SH3D19: variants seen among roughly 807,000 people sequenced by gnomAD.
SH3D19 encodes the protein SH3 domain containing 19.
SH3D19 carries 58 observed loss-of-function variants against 112.1 expected under a neutral mutation model. The ratio of observed to expected loss-of-function variants is 0.52; its 90% CI spans 0.42 to 0.64. The LOEUF is 0.64. Among genes scored for constraint, SH3D19 ranks in the 30% least tolerant of loss-of-function variants. The pLI is 0.00. For synonymous variants in SH3D19, 391 were observed against 448.5 expected, an observed-to-expected ratio of 0.87 and a Z score of 1.62; for missense variants, 1,090 against 1,263.4, an observed-to-expected ratio of 0.86 and a Z score of 2.08.
At chr4:151,128,149 C>T in intron 18 of SH3D19, 21 bp downstream of exon 18, 1 of 1,569,974 alleles carries the variant, frequency 6.4e-7, no homozygotes, top group Non-Finnish European at 8.6e-7. Flanking sequence ...GAGTCGCATT[C>T]ATGTCTTGCG....
chr4:151,269,877 C>A (rs1773111052), intron 1 of SH3D19, among the ~76,000 whole-genome samples: 1 of 151,886 alleles, frequency 6.6e-6, no homozygotes, highest in Admixed American at 6.6e-5. Flanking sequence ...CACAAGCACA[C>A]ACATTAGCCT....
At chr4:151,229,787 C>T (rs934254793) in intron 1 of SH3D19, among the ~76,000 whole-genome samples, 12 of 152,170 alleles carry the variant, frequency 7.9e-5, no homozygotes, top group Admixed American at 4.6e-4. Flanking sequence ...TGGTGGTGCA[C>T]GCCTGTAATC....
chr4:151,244,071 A>G (rs1770751168), intron 1 of SH3D19, among the ~76,000 whole-genome samples: 1 of 152,202 alleles, frequency 6.6e-6, no homozygotes, highest in South Asian at 2.1e-4. Flanking sequence ...CTGTGACTTG[A>G]TCAAACAGTT....
At chr4:151,149,657 T>C in intron 9 of SH3D19, 96 bp from the exon 10 acceptor site, 1 of 1,040,466 alleles carries the variant, frequency 9.6e-7, no homozygotes, top group South Asian at 1.4e-5. Flanking sequence ...GATCTACAAG[T>C]AGAAATGCAG....
chr4:151,186,684 C>T (rs1761832154), intron 3 of SH3D19, among the ~76,000 whole-genome samples: 1 of 152,086 alleles, frequency 6.6e-6, no homozygotes, highest in Non-Finnish European at 1.5e-5. Context: ...ATCCACCTGC[C>T]TCAGCCCCCA....
At chr4:151,257,833 T>C (rs1041314408) in intron 1 of SH3D19, among the ~76,000 whole-genome samples, 4 of 152,106 alleles carry the variant, frequency 2.6e-5, no homozygotes, top group African/African-American at 7.2e-5. Context: ...CGCTTGAGCC[T>C]GGGAGGTCTA....
Position 151,144,302 on chromosome 4 carries a change from C to T in SH3D19, c.2083-252G>A, listed in dbSNP as rs372713256. On this transcript the variant is annotated intron_variant, in intron 11 of 19. Transcript: ENST00000604030. Reference sequence around the variant, plus strand: ...AGGCACAGACAGCTTAAACGTAAACCAATAAAAGGCTTATTCACAATCAAA... The same window carrying T: ...AGGCACAGACAGCTTAAACGTAAACTAATAAAAGGCTTATTCACAATCAAA... The T allele has an allele frequency of 8.1e-6, 13 of 1,610,678 alleles. No individual in the cohort carries two copies. In the African/African-American group the frequency reaches 1.6e-4, roughly 20 times the overall value.
chr4:151,149,306 T>G (rs1350679986), intron 10 of SH3D19, among the ~76,000 whole-genome samples, 194 bp downstream of exon 10: 1 of 152,164 alleles, frequency 6.6e-6, no homozygotes, highest in Non-Finnish European at 1.5e-5. Flanking sequence ...AGTTGAACTG[T>G]GTTAAAAAGG....
intron 12 of SH3D19, chr4:151,140,653 T>C (rs1047819480): frequency 3.3e-5 from 5 of 152,196 alleles, no homozygotes; most frequent in Non-Finnish European, 7.3e-5. Context: ...CTGAAGGATA[T>C]TATTTGGAGT....
chr4:151,215,501 T>C (rs1472839619), intron 2 of SH3D19, among the ~76,000 whole-genome samples: 1 of 152,226 alleles, frequency 6.6e-6, no homozygotes, highest in Non-Finnish European at 1.5e-5. Context: ...TTTCCTTCCA[T>C]TCTTTCATTT....
intron 1 of SH3D19, among the ~76,000 whole-genome samples, chr4:151,308,749 A>G (rs1244770334): frequency 6.6e-6 from 1 of 152,256 alleles, no homozygotes; most frequent in Non-Finnish European, 1.5e-5. Flanking sequence ...ACTAACCATA[A>G]GGAGCAACAA....
intron 1 of SH3D19, among the ~76,000 whole-genome samples, chr4:151,256,911 T>C (rs1424096099): frequency 6.6e-6 from 1 of 151,156 alleles, no homozygotes; most frequent in Non-Finnish European, 1.5e-5. Context: ...TGGCTAATTT[T>C]TGTTTTCTTA....
intron 9 of SH3D19, among the ~76,000 whole-genome samples, chr4:151,155,249 C>T (rs901010308): frequency 2.0e-5 from 3 of 152,184 alleles, no homozygotes; most frequent in Admixed American, 2.0e-4. Flanking sequence ...TCCAGTTTAA[C>T]GTTAGTAAGG....
At chr4:151,226,432 T>TTA in intron 1 of SH3D19, 1 of 1,004,664 alleles carries the variant, frequency 1.0e-6, no homozygotes, top group Non-Finnish European at 1.2e-6. Flanking sequence ...AAGCCACAGA[T>TTA]TACTCAGCTC....
At chr4:151,290,602 A>G (rs1775224954) in intron 1 of SH3D19, among the ~76,000 whole-genome samples, 2 of 152,220 alleles carry the variant, frequency 1.3e-5, no homozygotes, top group Non-Finnish European at 2.9e-5. Flanking sequence ...AAAATGTTCT[A>G]AAATGGGTTG....
intron 17 of SH3D19, 23 bp downstream of exon 17, chr4:151,132,308 A>G: frequency 1.9e-6 from 3 of 1,609,468 alleles, no homozygotes; most frequent in Non-Finnish European, 2.6e-6. Flanking sequence ...CTGTCACTAT[A>G]GTCATCTGTT....
chr4:151,147,327 T>C (rs1488345780), intron 11 of SH3D19, among the ~76,000 whole-genome samples: 1 of 152,176 alleles, frequency 6.6e-6, no homozygotes, highest in Non-Finnish European at 1.5e-5. Context: ...CTCCCATTAG[T>C]ATAACCCACT....
chr4:151,237,415 G>A (rs897431288), intron 1 of SH3D19, among the ~76,000 whole-genome samples: 15 of 152,128 alleles, frequency 9.9e-5, no homozygotes, highest in Admixed American at 2.6e-4. Flanking sequence ...AGCACCAATT[G>A]CTTACCATCT....
chr4:151,235,108 G>T (rs1295816077), intron 1 of SH3D19, among the ~76,000 whole-genome samples: 2 of 151,772 alleles, frequency 1.3e-5, no homozygotes, highest in East Asian at 3.9e-4. Context: ...GTTTCAAAGG[G>T]GTTTGGTGTA....
Sources: allele counts gnomAD v4.1 joint callset (sites outside exome capture counted in the v4.1 genomes callset), GRCh38; gene constraint gnomAD v4.1.1; transcripts MANE v1.5; gene names NCBI Gene and HGNC (gene_info 2026-07-23, HGNC 2026-07-21).